The following FARP2 variants were observed in gnomAD, a reference collection of about 807,000 sequenced individuals.
FARP2 encodes FERM, ARHGEF and pleckstrin domain-containing protein 2.
Under a neutral mutation model 130.5 loss-of-function variants are expected in FARP2, and 111 were observed. The ratio of observed to expected loss-of-function variants is 0.85; its 90% CI spans 0.73 to 1.00. The LOEUF is 1.00. Ranked by LOEUF, FARP2 falls within the 50% of genes least tolerant of loss-of-function variation. FARP2 has a pLI of 0.00. For missense variants in FARP2, 1,385 were observed against 1,346.3 expected (o/e 1.03, Z -0.45); for synonymous variants, 504 against 516.9 (o/e 0.98, Z 0.34).
chr2:241,417,117 A>G (rs139411627), intron 7 of FARP2, among the ~76,000 whole-genome samples: 2 of 151,956 alleles, frequency 1.3e-5, no homozygotes, highest in Non-Finnish European at 2.9e-5. Flanking sequence ...CCCGGCCAAC[A>G]TGGCAAACCC....
chr2:241,452,925 A>G (rs944565823), intron 13 of FARP2, among the ~76,000 whole-genome samples: 6 of 151,504 alleles, frequency 4.0e-5, no homozygotes, highest in Non-Finnish European at 7.4e-5. Flanking sequence ...TGGGCGACAG[A>G]GTGAGAGACT....
chr2:241,431,534 T>C (rs986031744), intron 8 of FARP2, 145 bp from the exon 9 acceptor site: 1 of 570,576 alleles, frequency 1.8e-6, no homozygotes, highest in Middle Eastern at 2.6e-4. Context: ...GTTATTGACA[T>C]TTTAAGTCAG....
intron 13 of FARP2, chr2:241,442,246 A>C (rs1213538702): frequency 4.4e-6 from 2 of 456,592 alleles, no homozygotes; most frequent in Non-Finnish European, 8.8e-6. Flanking sequence ...GGCCAGCTCC[A>C]TGGTCAACTT....
chr2:241,370,059 A>G (rs1218945799), intron 1 of FARP2, among the ~76,000 whole-genome samples: 2 of 152,194 alleles, frequency 1.3e-5, no homozygotes, highest in Non-Finnish European at 2.9e-5. Flanking sequence ...GAAATTAAGA[A>G]GGATTAATTA....
chr2:241,406,074 T>G (rs553514177), intron 4 of FARP2, among the ~76,000 whole-genome samples: 202 of 151,908 alleles, frequency 1.3e-3, no homozygotes, highest in Non-Finnish European at 2.4e-3. Flanking sequence ...GAGGCCAAGG[T>G]GGGCAGATCA....
chr2:241,444,624 T>A (rs1458399374), intron 13 of FARP2: 1 of 152,174 alleles, frequency 6.6e-6, no homozygotes, highest in Admixed American at 6.6e-5. Context: ...AGGAGTGGGA[T>A]CATGCCCCTA....
intron 1 of FARP2, among the ~76,000 whole-genome samples, chr2:241,366,830 G>A (rs2150290172): frequency 6.6e-6 from 1 of 152,038 alleles, no homozygotes; most frequent in Middle Eastern, 3.4e-3. Flanking sequence ...GAAAAAGCTG[G>A]GGCTGGGAGT....
chr2:241,492,575 C>A (rs76939852), intron 24 of FARP2: 14,347 of 188,736 alleles, frequency 0.076, 590 homozygotes, highest in Middle Eastern at 0.12. Context: ...GCCTCTCCCC[C>A]ACCCATCATT....
intron 18 of FARP2, among the ~76,000 whole-genome samples, chr2:241,474,345 AAAAAAGAT>A (rs2064397801): frequency 6.9e-6 from 1 of 145,218 alleles, no homozygotes; most frequent in Non-Finnish European, 1.5e-5. Context: ...AAAAAAAAAA[AAAAAAGAT>A]AGAGCTGGAA....
chr2:241,431,751 A>G lies in FARP2; in HGVS notation c.844A>G (p.Ile282Val), dbSNP rs1472043727. The G allele has an allele frequency of 1.9e-6, 3 of 1,540,392 alleles. No individual in the cohort carries two copies. The highest frequency in any genetic ancestry group is 3.4e-5 in the Admixed American group (2 of 58,722). ...AAGCTTCAAGAGGAAAAGATTTCTT[A>G]TCAAACTTCATCCAGAGGTTCATGT... is the stretch of plus-strand genomic sequence containing the variant. ...KLSFKRKRFL[I>V]KLHPEVHGPY... The change falls in exon 9 of 27, where the codon ATC (isoleucine) becomes GTC (valine). Residue 282 changes from isoleucine to valine, a missense_variant. Physicochemically the swap from Ile to Val is conservative, Grantham distance 29 (BLOSUM62 3). Coordinates refer to ENST00000264042, the MANE Select transcript of FARP2 (RefSeq NM_014808.4).
chr2:241,387,335 A>G (rs1327357594), intron 2 of FARP2: 1 of 152,198 alleles, frequency 6.6e-6, no homozygotes, highest in Non-Finnish European at 1.5e-5. Flanking sequence ...TACACATGAC[A>G]CTACGTTGTA....
chr2:241,441,792 G>T, intron 13 of FARP2: 1 of 623,594 alleles, frequency 1.6e-6, no homozygotes, highest in South Asian at 1.9e-5. Context: ...ATGCCCAGCT[G>T]CAGGTATCTG....
chr2:241,468,730 G>A (rs940072953), intron 18 of FARP2, among the ~76,000 whole-genome samples: 5 of 152,244 alleles, frequency 3.3e-5, no homozygotes, highest in African/African-American at 1.2e-4. Flanking sequence ...AAGTGCACTG[G>A]GGAATGGGGT....
intron 21 of FARP2, among the ~76,000 whole-genome samples, chr2:241,485,628 T>G (rs1256751277): frequency 1.3e-5 from 2 of 149,738 alleles, no homozygotes; most frequent in Non-Finnish European, 3.0e-5. Context: ...GGATATTCCC[T>G]CCCTGGAGTC....
chr2:241,387,748 G>T (rs183582573), intron 2 of FARP2, among the ~76,000 whole-genome samples: 2 of 142,606 alleles, frequency 1.4e-5, no homozygotes, highest in African/African-American at 5.3e-5. Flanking sequence ...AGCCGAGCTC[G>T]CACCACTGCA....
intron 21 of FARP2, among the ~76,000 whole-genome samples, chr2:241,487,666 C>CA (rs200798199): frequency 0.84 from 96,213 of 115,178 alleles, 40,066 homozygotes; most frequent in East Asian, 0.94. Flanking sequence ...GACTCCCTCT[C>CA]AAAAAAAAAA....
At chr2:241,463,299 A>C (rs768393862) in intron 15 of FARP2, 36 bp from the exon 16 acceptor site, 4 of 1,603,284 alleles carry the variant, frequency 2.5e-6, no homozygotes, top group Non-Finnish European at 3.4e-6. Flanking sequence ...CCCCAACAAG[A>C]GCCACACCTC....
intron 14 of FARP2, among the ~76,000 whole-genome samples, chr2:241,461,558 C>T (rs1000738082): frequency 3.3e-5 from 5 of 152,238 alleles, no homozygotes; most frequent in African/African-American, 1.2e-4. Context: ...GTCCCCCAGC[C>T]TCCAGCCCCT....
At chr2:241,428,931 T>G (rs1038327422) in intron 8 of FARP2, among the ~76,000 whole-genome samples, 1 of 152,204 alleles carries the variant, frequency 6.6e-6, no homozygotes, top group African/African-American at 2.4e-5. Flanking sequence ...GTGTAGTGTT[T>G]CCTTGTTTCC....
Sources: gnomAD v4.1 joint callset for allele counts (sites outside exome capture counted in the v4.1 genomes callset) on GRCh38, gnomAD v4.1.1 for gene constraint, MANE v1.5 for transcripts, NCBI Gene and HGNC (gene_info 2026-07-23, HGNC 2026-07-21) for gene names.